FAM227B: variants seen among roughly 807,000 people sequenced by gnomAD.
FAM227B encodes the protein family with sequence similarity 227 member B.
Under a neutral mutation model 73.8 loss-of-function variants are expected in FAM227B, and 88 were observed. The observed-to-expected ratio is 1.19, with a 90% CI of 1.00 to 1.42. FAM227B has a LOEUF of 1.42. Among genes scored for constraint, FAM227B ranks in the 40% most tolerant of loss-of-function variants. FAM227B has a pLI of 0.00. For missense variants in FAM227B, 632 were observed against 590.9 expected, an observed-to-expected ratio of 1.07 and a Z score of -0.72; for synonymous variants, 210 against 190.5, an observed-to-expected ratio of 1.10 and a Z score of -0.84.
intron 10 of FAM227B, among the ~76,000 whole-genome samples, chr15:49,534,394 T>C (rs1238944679): frequency 6.6e-6 from 1 of 151,900 alleles, no homozygotes; most frequent in Non-Finnish European, 1.5e-5. Flanking sequence ...TATTTTTTAA[T>C]GATAAATGGA....
At chr15:49,486,873 T>G (rs1458174451) in intron 11 of FAM227B, 1 of 151,954 alleles carries the variant, frequency 6.6e-6, no homozygotes, top group Non-Finnish European at 1.5e-5. Flanking sequence ...TTCTAGAATA[T>G]TAAAACTGTA....
At chr15:49,462,931 TG>T (rs752559354) in intron 11 of FAM227B, among the ~76,000 whole-genome samples, 93 of 152,356 alleles carry the variant, frequency 6.1e-4, no homozygotes, top group Non-Finnish European at 1.2e-3. Context: ...TTTGGCAGAA[TG>T]GAACTGTGTC....
At chr15:49,530,743 G>C (rs1484504299) in intron 10 of FAM227B, among the ~76,000 whole-genome samples, 1 of 151,652 alleles carries the variant, frequency 6.6e-6, no homozygotes, top group Non-Finnish European at 1.5e-5. Flanking sequence ...GTTCAAGTAA[G>C]ATATATGTTA....
At chr15:49,550,767 G>A (rs1276097116) in intron 9 of FAM227B, among the ~76,000 whole-genome samples, 3 of 151,104 alleles carry the variant, frequency 2.0e-5, no homozygotes, top group Non-Finnish European at 2.9e-5. Context: ...ATGGGATGGC[G>A]GCCGGGCAGA....
rs773542023 is a variant in FAM227B at position 49,328,128 on chromosome 15, G to T, written c.*440C>A. ...CAAAGTTTGTTTGCTACCAAACCTG[G>T]AGGTGGGGCTTTGGTTTTGCTTGAG... On this transcript the variant is annotated 3_prime_UTR_variant, in exon 16 of 16. Transcript: ENST00000299338. The T allele has an allele frequency of 6.2e-7, 1 of 1,614,054 alleles. No homozygotes were observed. Among genetic ancestry groups the T allele is most frequent in the South Asian group, 1.1e-5 (1 of 91,068 alleles).
intron 3 of FAM227B, among the ~76,000 whole-genome samples, chr15:49,608,500 T>C (rs2077669871): frequency 6.6e-6 from 1 of 152,030 alleles, no homozygotes; most frequent in African/African-American, 2.4e-5. Flanking sequence ...AAACAGAAGG[T>C]AAGAAATAAG....
intron 9 of FAM227B, among the ~76,000 whole-genome samples, chr15:49,544,371 T>C (rs1341800782): frequency 6.6e-6 from 1 of 152,192 alleles, no homozygotes; most frequent in East Asian, 1.9e-4. Context: ...CCTGAAACTT[T>C]AGTGAATGAA....
At chr15:49,608,679 ATT>A in intron 3 of FAM227B, among the ~76,000 whole-genome samples, 1 of 152,196 alleles carries the variant, frequency 6.6e-6, no homozygotes, top group East Asian at 1.9e-4. Flanking sequence ...TGAAATTATT[ATT>A]TTCTCTATCA....
intron 3 of FAM227B, among the ~76,000 whole-genome samples, chr15:49,592,160 C>G (rs2076618726): frequency 6.6e-6 from 1 of 152,154 alleles, no homozygotes; most frequent in Non-Finnish European, 1.5e-5. Context: ...CTCCTAGAGC[C>G]TACTTCTGTC....
intron 8 of FAM227B, among the ~76,000 whole-genome samples, chr15:49,568,583 T>C (rs900179106): frequency 6.6e-6 from 1 of 152,026 alleles, no homozygotes; most frequent in African/African-American, 2.4e-5. Flanking sequence ...AGGTAATATA[T>C]ACTTATCTTA....
chr15:49,531,467 A>T (rs1333584793), intron 10 of FAM227B, among the ~76,000 whole-genome samples: 1 of 152,026 alleles, frequency 6.6e-6, no homozygotes, highest in African/African-American at 2.4e-5. Context: ...AATATTCTCT[A>T]TAACAACTTG....
At chr15:49,615,723 G>A (rs2078247236) in intron 1 of FAM227B, among the ~76,000 whole-genome samples, 1 of 152,124 alleles carries the variant, frequency 6.6e-6, no homozygotes. Flanking sequence ...AGCAATGTGA[G>A]AACGGACTAA....
chr15:49,344,807 G>A (rs1163278247), intron 13 of FAM227B, among the ~76,000 whole-genome samples: 1 of 152,152 alleles, frequency 6.6e-6, no homozygotes, highest in African/African-American at 2.4e-5. Flanking sequence ...TTCCTGAAAT[G>A]ACTGAAACTT....
At chr15:49,524,857 A>G (rs544679391) in intron 10 of FAM227B, among the ~76,000 whole-genome samples, 2 of 152,176 alleles carry the variant, frequency 1.3e-5, no homozygotes, top group Non-Finnish European at 2.9e-5. Context: ...TCAGACTTGC[A>G]TGGGGTCCGT....
At chr15:49,571,197 T>C (rs1012708397) in intron 8 of FAM227B, among the ~76,000 whole-genome samples, 2 of 151,812 alleles carry the variant, frequency 1.3e-5, no homozygotes, top group Non-Finnish European at 2.9e-5. Flanking sequence ...CCTTTTAAAA[T>C]CAGGTTGTTT....
chr15:49,478,832 T>C (rs1280670544), intron 11 of FAM227B, among the ~76,000 whole-genome samples: 1 of 152,164 alleles, frequency 6.6e-6, no homozygotes, highest in East Asian at 1.9e-4. Context: ...TAAAAAGTAA[T>C]TTTTCAAATA....
At chr15:49,487,701 A>C (rs1280947937) in intron 11 of FAM227B, 1 of 151,918 alleles carries the variant, frequency 6.6e-6, no homozygotes, top group Admixed American at 6.6e-5. Context: ...GTAAAATAAG[A>C]AGTTAGAGAA....
chr15:49,329,817 A>G, intron 15 of FAM227B: 1 of 905,252 alleles, frequency 1.1e-6, no homozygotes, highest in Non-Finnish European at 1.3e-6. Context: ...AAAAAAAAAA[A>G]AAAAAAGGCA....
At chr15:49,331,211 T>G (rs879407505) in intron 15 of FAM227B, 2 of 152,416 alleles carry the variant, frequency 1.3e-5, no homozygotes, top group Admixed American at 1.3e-4. Flanking sequence ...TTCAGACATA[T>G]TGTACACTAG....
Sources: allele counts gnomAD v4.1 joint callset (sites outside exome capture counted in the v4.1 genomes callset), GRCh38; gene constraint gnomAD v4.1.1; transcripts MANE v1.5; gene names NCBI Gene and HGNC (gene_info 2026-07-23, HGNC 2026-07-21).